The following SIL1 variants were observed in gnomAD, a reference collection of about 807,000 sequenced individuals.
SIL1 encodes the protein nucleotide exchange factor SIL1.
Under a neutral mutation model 49.1 loss-of-function variants are expected in SIL1, and 40 were observed. The observed-to-expected ratio is 0.81, with a 90% CI of 0.63 to 1.06. SIL1 has a LOEUF of 1.06. Among genes scored for constraint, SIL1 ranks in the 50% least tolerant of loss-of-function variants. SIL1 has a pLI of 0.00. For synonymous variants in SIL1, 253 were observed against 250.8 expected (o/e 1.01, Z -0.08); for missense variants, 500 against 572.6 (o/e 0.87, Z 1.29).
chr5:139,053,494 T>C (rs962615498), intron 3 of SIL1, among the ~76,000 whole-genome samples: 1 of 152,202 alleles, frequency 6.6e-6, no homozygotes, highest in Admixed American at 6.5e-5. Flanking sequence ...ACCAAACCTA[T>C]GTCATTCTCC....
chr5:139,143,076 TCAC>T (rs1678837016), intron 1 of SIL1, among the ~76,000 whole-genome samples: 2 of 151,646 alleles, frequency 1.3e-5, no homozygotes. Context: ...CCACCCACTT[TCAC>T]CACTTCTATT....
intron 1 of SIL1, among the ~76,000 whole-genome samples, chr5:139,189,059 TA>T (rs1170646173): frequency 6.6e-6 from 1 of 152,222 alleles, no homozygotes; most frequent in Non-Finnish European, 1.5e-5. Flanking sequence ...ATGGTTAAGA[TA>T]AAACTTGCTT....
chr5:139,127,649 C>T (rs41300803), intron 2 of SIL1, 90 bp downstream of exon 2: 1 of 1,032,390 alleles, frequency 9.7e-7, no homozygotes, highest in Non-Finnish European at 1.5e-6. Flanking sequence ...CATAGAAGCC[C>T]ACACCCTACT....
chr5:139,166,776 C>T (rs181241689), intron 1 of SIL1, among the ~76,000 whole-genome samples: 7 of 151,972 alleles, frequency 4.6e-5, no homozygotes, highest in African/African-American at 1.7e-4. Flanking sequence ...TCCTAAGTAA[C>T]GGGCACTACA....
chr5:139,075,159 C>T (rs763629102), intron 3 of SIL1, among the ~76,000 whole-genome samples: 28 of 152,148 alleles, frequency 1.8e-4, no homozygotes, highest in Non-Finnish European at 2.9e-4. Flanking sequence ...TAATACTAAA[C>T]ACCCATTATG....
In SIL1 at chr5:139,055,828, G is replaced by A. The variant is rs560328254; in HGVS notation, c.245-4782C>T. Among the ~76,000 whole-genome samples, 128 of 151,478 alleles carry A rather than the reference G, an allele frequency of 8.5e-4. 2 individuals carry two copies. The highest frequency in any genetic ancestry group is 2.8e-3 in the African/African-American group (117 of 41,280). Reference sequence around the variant, plus strand: ...TGCGATTGCAGGCACGCGCCGCCACGCCTGACTGGTTTTCGTATTTTTTTG... The same window carrying A: ...TGCGATTGCAGGCACGCGCCGCCACACCTGACTGGTTTTCGTATTTTTTTG... On this transcript the variant is annotated intron_variant, in intron 3 of 9. Transcript: ENST00000394817.
At chr5:139,197,264 G>C (rs761489148) in intron 1 of SIL1, among the ~76,000 whole-genome samples, 1,200 of 63,518 alleles carry the variant, frequency 0.019, 12 homozygotes, top group Middle Eastern at 0.059. Context: ...GCGAAACTCC[G>C]CCTCAAAAAA....
intron 9 of SIL1, among the ~76,000 whole-genome samples, chr5:138,950,217 C>T (rs1766736893): frequency 6.6e-6 from 1 of 152,250 alleles, no homozygotes; most frequent in African/African-American, 2.4e-5. Flanking sequence ...TGTCCTTCTC[C>T]AGGCTCACTG....
chr5:139,026,969 C>G lies in SIL1; in HGVS notation c.477G>C (p.Arg159=), dbSNP rs1223776534. The G allele has an allele frequency of 3.7e-6, 6 of 1,614,050 alleles. No individual in the cohort carries two copies. The African/African-American group carries it at 8.0e-5, about 22-fold the overall frequency. The part of the protein sequence containing the change: ...EDKARQAEVK[R]LFRPIEELKK... ...TCAGTTCCTCAATGGGGCGGAAGAG[C>G]CGCTTTACCTCAGCCTGCCTTGCCT... Residue 159 remains arginine (R), a synonymous_variant, in exon 6 of 10, where the codon CGG becomes CGC. Transcript: ENST00000394817.
intron 3 of SIL1, 94 bp downstream of exon 3, chr5:139,120,941 A>G (rs1198109710): frequency 1.3e-6 from 2 of 1,505,024 alleles, no homozygotes; most frequent in African/African-American, 1.4e-5. Context: ...CAGGCCAGAG[A>G]AGAGCAGCCT....
chr5:138,982,166 A>G (rs1767541567), intron 7 of SIL1, among the ~76,000 whole-genome samples: 1 of 152,254 alleles, frequency 6.6e-6, no homozygotes, highest in Non-Finnish European at 1.5e-5. Context: ...GACAGTAACC[A>G]TGCCAAATGC....
chr5:139,064,068 C>T (rs1202429626), intron 3 of SIL1, among the ~76,000 whole-genome samples: 1 of 152,104 alleles, frequency 6.6e-6, no homozygotes, highest in Non-Finnish European at 1.5e-5. Flanking sequence ...CCTATCAGTC[C>T]CCAGGAATCC....
intron 1 of SIL1, among the ~76,000 whole-genome samples, chr5:139,167,092 G>T (rs368879517): frequency 6.6e-6 from 1 of 152,138 alleles, no homozygotes; most frequent in South Asian, 2.1e-4. Flanking sequence ...GATTACAGGC[G>T]TGAGCCACCG....
At chr5:139,064,749 G>A (rs368820768) in intron 3 of SIL1, among the ~76,000 whole-genome samples, 18 of 152,330 alleles carry the variant, frequency 1.2e-4, no homozygotes, top group Middle Eastern at 3.4e-3. Flanking sequence ...GTGGCAGAGG[G>A]CACAGACTCA....
At chr5:139,124,567 C>T (rs1750717760) in intron 2 of SIL1, among the ~76,000 whole-genome samples, 1 of 152,158 alleles carries the variant, frequency 6.6e-6, no homozygotes, top group African/African-American at 2.4e-5. Context: ...GATGCTTTGC[C>T]CAAAACACAC....
At chr5:138,995,130 T>C (rs1366521517) in intron 7 of SIL1, among the ~76,000 whole-genome samples, 2 of 152,224 alleles carry the variant, frequency 1.3e-5, no homozygotes, top group East Asian at 3.8e-4. Context: ...TCTTTGCTAT[T>C]GTGAATAGTG....
At chr5:139,112,617 C>A (rs1770884944) in intron 3 of SIL1, among the ~76,000 whole-genome samples, 1 of 151,124 alleles carries the variant, frequency 6.6e-6, no homozygotes, top group Non-Finnish European at 1.5e-5. Flanking sequence ...GGCAGCCAAC[C>A]CCTCCGGGAG....
At chr5:139,103,840 A>T (rs1181472954) in intron 3 of SIL1, among the ~76,000 whole-genome samples, 3 of 152,114 alleles carry the variant, frequency 2.0e-5, no homozygotes, top group Non-Finnish European at 4.4e-5. Context: ...TTCAAAGGAC[A>T]TCCAATAAAT....
intron 1 of SIL1, among the ~76,000 whole-genome samples, chr5:139,139,393 G>T (rs1751038286): frequency 6.6e-6 from 1 of 152,130 alleles, no homozygotes; most frequent in African/African-American, 2.4e-5. Flanking sequence ...GCCTCTTAAA[G>T]GGGCTAAAAT....
Sources: gnomAD v4.1 joint callset for allele counts (sites outside exome capture counted in the v4.1 genomes callset) on GRCh38, gnomAD v4.1.1 for gene constraint, MANE v1.5 for transcripts, NCBI Gene and HGNC (gene_info 2026-07-23, HGNC 2026-07-21) for gene names.